Variants in CNTN6 observed in about 807,000 individuals in gnomAD.
The protein encoded by CNTN6 is contactin-6.
CNTN6 carries 137 observed loss-of-function variants against 122.8 expected under a neutral mutation model. The ratio of observed to expected loss-of-function variants is 1.12; its 90% confidence interval spans 0.97 to 1.29. CNTN6 has a LOEUF of 1.29. Ranked by LOEUF, CNTN6 falls within the 50% of genes most tolerant of loss-of-function variation. CNTN6 has a pLI of 0.00. For missense variants in CNTN6, 1,634 were observed against 1,223.4 expected (o/e 1.34, Z -5.01); for synonymous variants, 570 against 426.0 (o/e 1.34, Z -4.16).
chr3:1,243,706 T>G (rs1483340864), intron 4 of CNTN6, among the ~76,000 whole-genome samples: 1 of 152,144 alleles, frequency 6.6e-6, no homozygotes, highest in Non-Finnish European at 1.5e-5. Flanking sequence ...CCAGCCACCT[T>G]TTAAAGAGTA....
chr3:1,386,097 T>A (rs545765042), intron 20 of CNTN6, among the ~76,000 whole-genome samples: 2 of 152,264 alleles, frequency 1.3e-5, no homozygotes, highest in Admixed American at 6.5e-5. Context: ...AAAACTGACC[T>A]CCTATCCTTG....
At chr3:1,277,393 T>C (rs1000179800) in intron 4 of CNTN6, among the ~76,000 whole-genome samples, 2 of 142,390 alleles carry the variant, frequency 1.4e-5, no homozygotes, top group African/African-American at 5.2e-5. Context: ...CGATTCTGGC[T>C]CTGTCTCTCA....
chr3:1,194,324 C>T (rs2093745256), intron 2 of CNTN6, among the ~76,000 whole-genome samples: 1 of 152,088 alleles, frequency 6.6e-6, no homozygotes, highest in South Asian at 2.1e-4. Context: ...GCATCATGTT[C>T]TCAGACTCCT....
chr3:1,150,560 T>TTAAAGTTTTGAG (rs1460202011), intron 2 of CNTN6, among the ~76,000 whole-genome samples: 54 of 152,320 alleles, frequency 3.5e-4, no homozygotes, highest in Non-Finnish European at 6.6e-4. Context: ...TGGGACACTT[T>TTAAAGTTTTGAG]TAAAGTTTTG....
chr3:1,205,102 G>A (rs961127249), intron 2 of CNTN6, among the ~76,000 whole-genome samples: 6 of 152,106 alleles, frequency 3.9e-5, no homozygotes, highest in African/African-American at 1.4e-4. Flanking sequence ...ATGTGAGAAG[G>A]ACTCAACATG....
At position 1,383,003 on chromosome 3, in the gene CNTN6, T is replaced by C. The variant is rs1391085712; in HGVS notation, c.2228T>C (p.Val743Ala). 1.2e-6 allele frequency: 2 copies of C among 1,613,958 alleles called. No individual in the cohort carries two copies. The highest frequency in any genetic ancestry group is 1.7e-6 in the Non-Finnish European group (2 of 1,179,962). Residue 743 changes from valine to alanine, a missense_variant, in exon 18 of 23, where the codon GTG becomes GCG. Coordinates refer to ENST00000446702, the MANE Select transcript of CNTN6 (RefSeq NM_001289080.2). The part of the protein sequence containing the change: ...GFGYIIMFRP[V>A]GSTTWSKEKV... The stretch of plus-strand genomic sequence containing the variant: ...GGATATATCATCATGTTCCGGCCAG[T>C]GGGCTCGACAACCTGGTCCAAGGAG...
chr3:1,314,636 A>T (rs977652543), intron 7 of CNTN6, among the ~76,000 whole-genome samples: 1 of 152,112 alleles, frequency 6.6e-6, no homozygotes, highest in Non-Finnish European at 1.5e-5. Context: ...ATGGTTAAGA[A>T]GTGTATTCTC....
intron 4 of CNTN6, among the ~76,000 whole-genome samples, chr3:1,277,346 C>CTTTTCTTTTTT (rs1692561797): frequency 2.5e-5 from 2 of 80,172 alleles, no homozygotes; most frequent in East Asian, 3.7e-4. Flanking sequence ...AGTAGGTTTT[C>CTTTTCTTTTTT]TTTTTTTTTT....
chr3:1,386,099 C>T (rs935983390), intron 20 of CNTN6, among the ~76,000 whole-genome samples: 1 of 152,170 alleles, frequency 6.6e-6, no homozygotes. Flanking sequence ...AACTGACCTC[C>T]TATCCTTGGA....
At chr3:1,209,547 G>A (rs1463509721) in intron 2 of CNTN6, among the ~76,000 whole-genome samples, 4 of 152,140 alleles carry the variant, frequency 2.6e-5, no homozygotes, top group Admixed American at 1.3e-4. Flanking sequence ...ATGTTCAAGC[G>A]TTATTGAACA....
rs1695853104 is a variant in CNTN6 at position 1,402,500 on chromosome 3, C to T, written c.2986+14C>T. ...CAAAAATGTCAAGTAAGTTGAGTCA[C>T]CATTGCTGTAGTAGATTCTGAACCT... On this transcript the variant is annotated intron_variant, in intron 22 of 22. Transcript: ENST00000446702. 3 of 1,598,116 alleles carry T rather than the reference C, an allele frequency of 1.9e-6. No homozygotes were observed. In the African/African-American group the frequency reaches 4.0e-5, roughly 21 times the overall value.
chr3:1,289,666 G>GT (rs1559721849), intron 5 of CNTN6, among the ~76,000 whole-genome samples: 2 of 106,646 alleles, frequency 1.9e-5, no homozygotes, highest in African/African-American at 4.3e-5. Flanking sequence ...GTTTTGTTTT[G>GT]TTTTTTTGGG....
intron 2 of CNTN6, among the ~76,000 whole-genome samples, chr3:1,216,699 CTCTA>C (rs879475733): frequency 2.0e-5 from 3 of 152,264 alleles, no homozygotes; most frequent in South Asian, 2.1e-4. Context: ...GAATTAAAAC[CTCTA>C]TCTATCTACA....
intron 4 of CNTN6, among the ~76,000 whole-genome samples, chr3:1,255,394 G>C (rs540259032): frequency 6.7e-6 from 1 of 149,228 alleles, no homozygotes; most frequent in South Asian, 2.1e-4. Context: ...ATTGGAAGGG[G>C]CTACGTAAGA....
At chr3:1,255,368 G>C (rs185636553) in intron 4 of CNTN6, among the ~76,000 whole-genome samples, 1 of 150,432 alleles carries the variant, frequency 6.6e-6, no homozygotes, top group Non-Finnish European at 1.5e-5. Flanking sequence ...GAAACACCAC[G>C]TTTAAAGCCT....
chr3:1,185,299 A>G (rs1401119018), intron 2 of CNTN6, among the ~76,000 whole-genome samples: 1 of 152,134 alleles, frequency 6.6e-6, no homozygotes, highest in East Asian at 1.9e-4. Flanking sequence ...TTACACTTAG[A>G]GATTCTTATT....
chr3:1,302,174 ATT>A (rs1697544269), intron 7 of CNTN6, among the ~76,000 whole-genome samples: 1 of 152,168 alleles, frequency 6.6e-6, no homozygotes, highest in African/African-American at 2.4e-5. Flanking sequence ...TATAAAGTCT[ATT>A]GTTTATTATA....
chr3:1,346,487 T>G (rs747390757), intron 11 of CNTN6, among the ~76,000 whole-genome samples: 4 of 152,070 alleles, frequency 2.6e-5, no homozygotes, highest in Non-Finnish European at 5.9e-5. Context: ...AGACAGCGTT[T>G]TAAAAGAGTC....
chr3:1,377,670 C>T (rs1048084180), intron 17 of CNTN6, among the ~76,000 whole-genome samples: 1 of 152,126 alleles, frequency 6.6e-6, no homozygotes, highest in African/African-American at 2.4e-5. Flanking sequence ...TTCAGTATCT[C>T]AGTGCCTCAG....
Sources: gnomAD v4.1 joint callset for allele counts (sites outside exome capture counted in the v4.1 genomes callset) on GRCh38, gnomAD v4.1.1 for gene constraint, MANE v1.5 for transcripts, NCBI Gene and HGNC (gene_info 2026-07-23, HGNC 2026-07-21) for gene names.